The following UNC93A variants were observed in gnomAD, a reference collection of about 807,000 sequenced individuals.
UNC93A encodes N-acetylglucosamine transporter UNC93A.
In UNC93A, 43 loss-of-function variants were observed where a neutral mutation model predicts 47.5. That is an observed-to-expected ratio of 0.91 (90% CI 0.71 to 1.17). The LOEUF (loss-of-function observed/expected upper bound fraction) is 1.17. Ranked by LOEUF, UNC93A falls within the 50% of genes most tolerant of loss-of-function variation. The probability of loss-of-function intolerance (pLI) is 0.00; values close to 1 mark genes in which losing one functional copy is unlikely to be tolerated. For missense variants in UNC93A, 605 were observed against 577.6 expected, an observed-to-expected ratio of 1.05 and a Z score of -0.49; for synonymous variants, 280 against 258.0, an observed-to-expected ratio of 1.09 and a Z score of -0.82.
chr6:167,308,623 G>A (rs1385747021), intron 7 of UNC93A, among the ~76,000 whole-genome samples: 1 of 151,616 alleles, frequency 6.6e-6, no homozygotes, highest in Non-Finnish European at 1.5e-5. Context: ...TGGGGCTGGG[G>A]CCCCTAAGAA....
At chr6:167,294,838 C>A in intron 2 of UNC93A, 140 bp downstream of exon 2, 1 of 933,966 alleles carries the variant, frequency 1.1e-6, no homozygotes, top group Non-Finnish European at 1.6e-6. Context: ...CCCCTGCACC[C>A]CCGCCTCGCT....
chr6:167,282,384 A>G (rs909061032), intron 1 of UNC93A, among the ~76,000 whole-genome samples: 7 of 152,040 alleles, frequency 4.6e-5, no homozygotes, highest in African/African-American at 1.4e-4. Context: ...GGGCCCCACC[A>G]AGGTCTGTGG....
At position 167,315,413 on chromosome 6, in the gene UNC93A, C is replaced by CG. The variant is rs1437936138; in HGVS notation, c.1335_1336insG (p.Asn446GlufsTer6). The CG allele has an allele frequency of 1.9e-5, 29 of 1,511,522 alleles. No homozygotes were observed. Among genetic ancestry groups the CG allele is most frequent in the Non-Finnish European group, 2.7e-5 (29 of 1,093,954 alleles). The allele number at this position is 1,511,522 out of a possible 1,614,324, so 93.6% of individuals were successfully genotyped here. On this transcript the variant is annotated frameshift_variant, in exon 8 of 8. Transcript: ENST00000230256. LOFTEE classifies it high-confidence loss of function. ...TCAGACCCCACGCTCCAGGACAGGTCAACCAGGCAGAGGATGAAGAAATAC... is the reference window on the plus strand; with the variant it reads ...TCAGACCCCACGCTCCAGGACAGGTCGAACCAGGCAGAGGATGAAGAAATAC...
At chr6:167,286,032 T>C (rs1783725988) in intron 1 of UNC93A, among the ~76,000 whole-genome samples, 1 of 149,712 alleles carries the variant, frequency 6.7e-6, no homozygotes. Context: ...TGCATGTCTA[T>C]ATATACATGT....
intron 7 of UNC93A, 26 bp from the exon 8 acceptor site, chr6:167,315,161 C>G (rs1583099807): frequency 6.2e-7 from 1 of 1,612,260 alleles, no homozygotes; most frequent in Non-Finnish European, 8.5e-7. Flanking sequence ...CATGGCAGAG[C>G]TCTCACTCCG....
upstream of UNC93A, among the ~76,000 whole-genome samples, chr6:167,290,997 G>A (rs1476527378): frequency 6.6e-6 from 1 of 152,170 alleles, no homozygotes; most frequent in African/African-American, 2.4e-5. Flanking sequence ...TTTTTCAGAA[G>A]TTGAACTATG....
chr6:167,275,729 T>C (rs1783528300), intron 1 of UNC93A, among the ~76,000 whole-genome samples: 1 of 152,236 alleles, frequency 6.6e-6, no homozygotes, highest in Non-Finnish European at 1.5e-5. Context: ...GGATGCTGGG[T>C]CCACACCCTG....
chr6:167,276,509 C>T (rs1368059343), intron 1 of UNC93A, among the ~76,000 whole-genome samples: 1 of 152,166 alleles, frequency 6.6e-6, no homozygotes, highest in Non-Finnish European at 1.5e-5. Flanking sequence ...TAGTATTATT[C>T]TTCCCACTTT....
At position 167,314,979 on chromosome 6, in the gene UNC93A, A is replaced by G. The variant is rs1178428028; in HGVS notation, c.1109-208A>G. Among the ~76,000 whole-genome samples, 6 of 152,190 alleles carry G rather than the reference A, an allele frequency of 3.9e-5. No individual in the cohort carries two copies. In the East Asian group the frequency reaches 9.6e-4, roughly 24 times the overall value. On this transcript the variant is annotated intron_variant, in intron 7 of 7. Coordinates refer to ENST00000230256, the MANE Select transcript of UNC93A (RefSeq NM_018974.4). ...ACGGGCACCGGTCCTCAACCTGGGC[A>G]AAATAAACATTCTAAGTTAACTGAG...
At chr6:167,276,046 A>G (rs1425981065) in intron 1 of UNC93A, among the ~76,000 whole-genome samples, 1 of 135,954 alleles carries the variant, frequency 7.4e-6, no homozygotes, top group Non-Finnish European at 1.6e-5. Flanking sequence ...CTATGAGATC[A>G]TTTTTTTCTT....
At chr6:167,297,412 C>T (rs1211839329) in intron 3 of UNC93A, among the ~76,000 whole-genome samples, 7 of 152,142 alleles carry the variant, frequency 4.6e-5, no homozygotes, top group Admixed American at 2.0e-4. Context: ...TTCTCCTTTC[C>T]CCAGAGATTC....
chr6:167,307,576 G>A (rs953805059), intron 6 of UNC93A, among the ~76,000 whole-genome samples: 9 of 151,002 alleles, frequency 6.0e-5, no homozygotes, highest in Admixed American at 1.3e-4. Context: ...TCCAGAGGAC[G>A]GTTGAGATAG....
intron 6 of UNC93A, 58 bp downstream of exon 6, chr6:167,306,108 G>A (rs550020421): frequency 2.2e-5 from 35 of 1,605,258 alleles, no homozygotes; most frequent in Admixed American, 3.3e-5. Flanking sequence ...TAGCAAAAGC[G>A]CACAGCTCAC....
Position 167,307,808 on chromosome 6 carries a change from G to A in UNC93A, c.1006G>A (p.Ala336Thr). The A allele has an allele frequency of 8.7e-6, 14 of 1,613,532 alleles. No individual in the cohort carries two copies. Among genetic ancestry groups the A allele is most frequent in the Non-Finnish European group, 1.2e-5 (14 of 1,179,848 alleles). Residue 336 changes from alanine to threonine, a missense_variant, in exon 7 of 8, where the codon GCC (alanine) becomes ACC (threonine). Coordinates refer to ENST00000230256, the MANE Select transcript of UNC93A (RefSeq NM_018974.4). ...GAVTHVSCMI[A>T]LLLWRPRADH... Reference sequence around the variant, plus strand: ...GGTGACCCACGTGTCCTGCATGATTGCCCTACTGCTGTGGAGACCTCGTGC... The same window carrying A: ...GGTGACCCACGTGTCCTGCATGATTACCCTACTGCTGTGGAGACCTCGTGC...
chr6:167,311,461 A>G (rs1778553869), intron 7 of UNC93A, among the ~76,000 whole-genome samples: 2 of 152,256 alleles, frequency 1.3e-5, no homozygotes, highest in African/African-American at 4.8e-5. Flanking sequence ...AGCTAATGAA[A>G]GATGGGTGCA....
rs756193322 is a variant in UNC93A at position 167,303,895 on chromosome 6, G to A, written c.626-24G>A. 7.4e-6 allele frequency: 12 copies of A among 1,612,852 alleles called. No homozygotes were observed. In the Admixed American group the frequency reaches 1.7e-4, roughly 22 times the overall value. On this transcript the variant is annotated intron_variant, in intron 4 of 7. Transcript: ENST00000230256. ...CTGCCTCTGGGCCCCCATGAAAGCT[G>A]AAGCCTTTGCTATGTCCTTTCAGGG...
intron 6 of UNC93A, 35 bp downstream of exon 6, chr6:167,306,085 TA>T: frequency 6.2e-7 from 1 of 1,610,776 alleles, no homozygotes; most frequent in Middle Eastern, 1.7e-4. Context: ...CCAGCTGTCA[TA>T]ACGATTTGCA....
At chr6:167,310,998 G>T (rs558905034) in intron 7 of UNC93A, among the ~76,000 whole-genome samples, 5 of 152,226 alleles carry the variant, frequency 3.3e-5, no homozygotes, top group Admixed American at 2.6e-4. Flanking sequence ...CTCCTGGCAG[G>T]CTGGCTCTCC....
At chr6:167,307,453 G>A (rs1778429986) in intron 6 of UNC93A, among the ~76,000 whole-genome samples, 1 of 37,580 alleles carries the variant, frequency 2.7e-5, no homozygotes, top group Non-Finnish European at 4.4e-5. Flanking sequence ...CAGTTCCAGA[G>A]GACGGTTCCA....
Sources: gnomAD v4.1 joint callset for allele counts (sites outside exome capture counted in the v4.1 genomes callset) on GRCh38, gnomAD v4.1.1 for gene constraint, MANE v1.5 for transcripts, NCBI Gene and HGNC (gene_info 2026-07-23, HGNC 2026-07-21) for gene names.